CLEC7A: variants seen among roughly 807,000 people sequenced by gnomAD.
CLEC7A encodes C-type lectin domain family 7 member A.
A neutral mutation model predicts 26.9 loss-of-function variants in CLEC7A; 25 were observed. The observed-to-expected ratio is 0.93, with a 90% CI of 0.68 to 1.30. The LOEUF is 1.30. Ranked by LOEUF, CLEC7A falls within the 50% of genes most tolerant of loss-of-function variation. The pLI is 0.00. For missense variants in CLEC7A, 275 were observed against 286.7 expected (o/e 0.96, Z 0.29); for synonymous variants, 100 against 99.5 (o/e 1.01, Z -0.03).
intron 5 of CLEC7A, 87 bp from the exon 6 acceptor site, chr12:10,118,677 TG>T: frequency 8.5e-7 from 1 of 1,170,878 alleles, no homozygotes; most frequent in South Asian, 1.5e-5. Flanking sequence ...GTAAGGATAT[TG>T]GTGAAAAGAG....
intron 5 of CLEC7A, among the ~76,000 whole-genome samples, chr12:10,120,970 C>T (rs1446123946): frequency 6.6e-6 from 1 of 151,104 alleles, no homozygotes; most frequent in African/African-American, 2.4e-5. Context: ...GTGGGAGAAT[C>T]GCTTGAACCC....
intron 4 of CLEC7A, 51 bp from the exon 5 acceptor site, chr12:10,123,414 A>C: frequency 3.1e-6 from 3 of 976,158 alleles, no homozygotes; most frequent in Non-Finnish European, 4.8e-6. Flanking sequence ...GAGAGAGAGA[A>C]AGAAACTATT....
chr12:10,123,090 C>T (rs948411614), intron 5 of CLEC7A, among the ~76,000 whole-genome samples, 155 bp downstream of exon 5: 2 of 152,004 alleles, frequency 1.3e-5, no homozygotes, highest in Admixed American at 6.6e-5. Flanking sequence ...TCCTCTTGTC[C>T]TAGTTCACTC....
chr12:10,129,942 A>C, intron 1 of CLEC7A, 38 bp downstream of exon 1: 1 of 1,192,426 alleles, frequency 8.4e-7, no homozygotes, highest in Non-Finnish European at 1.2e-6. Context: ...TTCAAACGGG[A>C]GAGCTAAAGG....
chr12:10,127,656 A>G (rs1461990045), intron 2 of CLEC7A, 91 bp downstream of exon 2: 3 of 990,616 alleles, frequency 3.0e-6, no homozygotes, highest in Non-Finnish European at 4.7e-6. Context: ...ATTAAAGTAG[A>G]TTATGCATGT....
intron 3 of CLEC7A, chr12:10,126,129 G>C (rs987803363): frequency 2.1e-6 from 2 of 958,596 alleles, no homozygotes; most frequent in African/African-American, 3.5e-5. Context: ...TTTTAATATA[G>C]CTTCCTTATT....
Position 10,127,772 on chromosome 12 carries a change from C to T in CLEC7A, c.177G>A (p.Val59=). 6.3e-7 allele frequency: 1 copy of T among 1,590,992 alleles called. No individual in the cohort carries two copies. The highest frequency in any genetic ancestry group is 8.6e-7 in the Non-Finnish European group (1 of 1,167,494). ...ILGILCLVIL[V]IAVVLGTMAI... ...CCATGGTACCCAGGACCACAGCTAT[C>T]ACCAGTATTACCAAGCATAGGATTC... The change falls in exon 2 of 6, where the codon GTG becomes GTA. Residue 59 remains valine, a synonymous_variant. Transcript: ENST00000304084.
intron 2 of CLEC7A, chr12:10,127,113 AAAC>A (rs746418265): frequency 4.8e-6 from 6 of 1,255,504 alleles, no homozygotes; most frequent in Non-Finnish European, 5.3e-6. Flanking sequence ...CGCACTCAAT[AAAC>A]ATTTGACTAA....
chr12:10,129,412 A>G (rs1488783703), intron 1 of CLEC7A, among the ~76,000 whole-genome samples: 1 of 152,216 alleles, frequency 6.6e-6, no homozygotes, highest in Non-Finnish European at 1.5e-5. Context: ...CTATATCTAT[A>G]GAAAAGAGAA....
At chr12:10,123,109 C>G in intron 5 of CLEC7A, 136 bp downstream of exon 5, 3 of 625,186 alleles carry the variant, frequency 4.8e-6, no homozygotes, top group Non-Finnish European at 8.6e-6. Flanking sequence ...TCTTTCTCTT[C>G]TTCTATATCT....
At chr12:10,121,310 C>T (rs1948077953) in intron 5 of CLEC7A, among the ~76,000 whole-genome samples, 1 of 151,144 alleles carries the variant, frequency 6.6e-6, no homozygotes, top group Non-Finnish European at 1.5e-5. Context: ...AGTGTTAAAT[C>T]GTCCAAAAAG....
At chr12:10,124,274 G>A (rs892946613) in intron 4 of CLEC7A, among the ~76,000 whole-genome samples, 1 of 152,044 alleles carries the variant, frequency 6.6e-6, no homozygotes, top group Admixed American at 6.6e-5. Flanking sequence ...TATTACTACT[G>A]GGTAAGACAT....
chr12:10,130,239 G>C (rs1290798889), upstream of CLEC7A: 2 of 473,596 alleles, frequency 4.2e-6, no homozygotes, highest in Middle Eastern at 5.9e-4. Context: ...AGTTCAACCA[G>C]ATATTCAAGA....
At position 10,125,422 on chromosome 12, in the gene CLEC7A, TAGG is replaced by T; in HGVS notation, c.364_366del (p.Pro122del). 6.2e-7 allele frequency: 1 copy of T among 1,612,844 alleles called. No homozygotes were observed. ...CAGCTCTTCTCATATATAATCCAAT[TAGG>T]AGGACAAGGGCTGGAAAGAACCCCT... On this transcript the variant is annotated inframe_deletion, in exon 4 of 6. Coordinates refer to ENST00000304084, the MANE Select transcript of CLEC7A (RefSeq NM_197947.3).
Position 10,129,555 on chromosome 12 carries a change from A to T in CLEC7A, c.103+425T>A, listed in dbSNP as rs150724767. On this transcript the variant is annotated intron_variant, in intron 1 of 5. Coordinates refer to ENST00000304084, the MANE Select transcript of CLEC7A (RefSeq NM_197947.3). ...ATCTGAAGCCTTTAAAAGTATATCCATAAAAATATACACATCACGAGGCTC... is the reference window on the plus strand; with the variant it reads ...ATCTGAAGCCTTTAAAAGTATATCCTTAAAAATATACACATCACGAGGCTC... Among the ~76,000 whole-genome samples, 857 of 152,344 alleles carry T rather than the reference A, an allele frequency of 5.6e-3. 6 individuals carry two copies. The highest frequency in any genetic ancestry group is 0.019 in the African/African-American group (807 of 41,576).
chr12:10,122,795 G>T (rs759968068), intron 5 of CLEC7A, among the ~76,000 whole-genome samples: 3 of 152,040 alleles, frequency 2.0e-5, no homozygotes, highest in Non-Finnish European at 4.4e-5. Flanking sequence ...CTGGCCAAGA[G>T]CACCTTTCTA....
Position 10,123,305 on chromosome 12 carries a change from G to A in CLEC7A, c.551C>T (p.Ser184Phe). 1 of 1,613,722 alleles carries A rather than the reference G, an allele frequency of 6.2e-7. No individual in the cohort carries two copies. Among genetic ancestry groups the A allele is most frequent in the Non-Finnish European group, 8.5e-7 (1 of 1,179,652 alleles). ...QPDNSFWIGL[S>F]RPQTEVPWLW... ...CCATGGTACCTCAGTCTGGGGCCGA[G>A]AAAGGCCTATCCAAAATGAATTATC... Residue 184 changes from serine to phenylalanine, a missense_variant, in exon 5 of 6, where the codon TCT becomes TTT. Coordinates refer to ENST00000304084, the MANE Select transcript of CLEC7A (RefSeq NM_197947.3).
chr12:10,125,151 A>C (rs1401899890), intron 4 of CLEC7A, 146 bp downstream of exon 4: 2 of 802,324 alleles, frequency 2.5e-6, no homozygotes, highest in Admixed American at 4.1e-5. Flanking sequence ...ACTGCACTCT[A>C]GCTTGGGCAA....
chr12:10,122,995 C>A (rs1157730008), intron 5 of CLEC7A, among the ~76,000 whole-genome samples: 1 of 152,028 alleles, frequency 6.6e-6, no homozygotes. Flanking sequence ...TCGATGCCTC[C>A]CTAGTAAGAA....
Sources: gnomAD v4.1 joint callset for allele counts (sites outside exome capture counted in the v4.1 genomes callset) on GRCh38, gnomAD v4.1.1 for gene constraint, MANE v1.5 for transcripts, NCBI Gene and HGNC (gene_info 2026-07-23, HGNC 2026-07-21) for gene names.